Variants in TTC39C observed in about 807,000 individuals in gnomAD.
TTC39C encodes the protein tetratricopeptide repeat protein 39C.
Under a neutral mutation model 76.3 loss-of-function variants are expected in TTC39C, and 33 were observed. That is an observed-to-expected ratio of 0.43 (90% CI 0.33 to 0.58). TTC39C has a LOEUF of 0.58. TTC39C is among the 20% of genes least tolerant of loss of function. TTC39C has a pLI of 0.04. For synonymous variants in TTC39C, 254 were observed against 260.6 expected (o/e 0.97, Z 0.24); for missense variants, 595 against 701.4 (o/e 0.85, Z 1.71).
In TTC39C at chr18:24,130,335, A is replaced by G. The variant is rs1433475885; in HGVS notation, c.1541A>G (p.Asp514Gly). 1.0e-5 allele frequency: 16 copies of G among 1,586,930 alleles called. No individual in the cohort carries two copies. The highest frequency in any genetic ancestry group is 1.4e-5 in the Non-Finnish European group (16 of 1,168,284). The change falls in exon 12 of 14, where the codon GAT becomes GGT. Residue 514 changes from aspartate to glycine, a missense_variant. By Grantham distance (94) the Asp-to-Gly change is moderately conservative (BLOSUM62 -1). Coordinates refer to ENST00000317571, the MANE Select transcript of TTC39C (RefSeq NM_001135993.2). ...CAGTACTTCCAGCGAGCTGTTAAAGATGAATTGTGTCGTCAGAATAACTTA... is the reference window on the plus strand; with the variant it reads ...CAGTACTTCCAGCGAGCTGTTAAAGGTGAATTGTGTCGTCAGAATAACTTA... Reference protein sequence around the residue: ...AVQYFQRAVKDELCRQNNLYV... With the variant: ...AVQYFQRAVKGELCRQNNLYV...
chr18:24,063,513 C>CCTT (rs2084125562), intron 1 of TTC39C, among the ~76,000 whole-genome samples: 1 of 94,420 alleles, frequency 1.1e-5, no homozygotes, highest in Non-Finnish European at 2.2e-5. Context: ...ATTGTTTCTA[C>CCTT]CTTTTTTTTT....
chr18:23,998,092 C>T (rs2083283668), intron 1 of TTC39C, among the ~76,000 whole-genome samples: 1 of 152,148 alleles, frequency 6.6e-6, no homozygotes, highest in Non-Finnish European at 1.5e-5. Flanking sequence ...TAGTGCTAGG[C>T]TTTCCCCACA....
intron 4 of TTC39C, among the ~76,000 whole-genome samples, chr18:24,080,375 A>G (rs1336375463): frequency 6.6e-6 from 1 of 152,350 alleles, no homozygotes; most frequent in African/African-American, 2.4e-5. Context: ...CATGCTTACC[A>G]GTCATCATCC....
At chr18:24,089,272 C>T (rs1214887127) in intron 6 of TTC39C, among the ~76,000 whole-genome samples, 1 of 152,166 alleles carries the variant, frequency 6.6e-6, no homozygotes, top group Non-Finnish European at 1.5e-5. Context: ...GCAAGCCTGC[C>T]TCTTGTATTT....
chr18:24,113,836 G>A (rs1487962109), intron 6 of TTC39C: 15 of 620,922 alleles, frequency 2.4e-5, no homozygotes, highest in Admixed American at 4.9e-5. Context: ...TAAGTAGAGC[G>A]GACATTTGAG....
intron 1 of TTC39C, among the ~76,000 whole-genome samples, chr18:24,063,243 A>G (rs1268376364): frequency 3.3e-5 from 5 of 152,160 alleles, no homozygotes; most frequent in Non-Finnish European, 7.3e-5. Flanking sequence ...TTGCCTTACA[A>G]CAAAATCAGA....
At chr18:24,075,333 G>T (rs777768182) in intron 4 of TTC39C, among the ~76,000 whole-genome samples, 10 of 152,114 alleles carry the variant, frequency 6.6e-5, no homozygotes, top group Non-Finnish European at 1.5e-4. Context: ...GAAGGTTGAA[G>T]ATAACGAGGC....
chr18:24,045,901 A>ATATATATATGTATATGTATATG (rs1568417238), intron 1 of TTC39C, among the ~76,000 whole-genome samples: 5 of 38,634 alleles, frequency 1.3e-4, no homozygotes, highest in African/African-American at 1.5e-4. Flanking sequence ...AAATATATAT[A>ATATATATATGTATATGTATATG]TATATATATA....
At chr18:24,000,967 T>C (rs1045257813) in intron 1 of TTC39C, among the ~76,000 whole-genome samples, 8 of 151,620 alleles carry the variant, frequency 5.3e-5, no homozygotes, top group African/African-American at 1.2e-4. Flanking sequence ...CTCCCCAGAG[T>C]TGGATCAGAG....
chr18:24,102,118 CAGGGTT>C (rs1249645409), intron 6 of TTC39C, among the ~76,000 whole-genome samples: 5 of 152,188 alleles, frequency 3.3e-5, no homozygotes, highest in Non-Finnish European at 7.3e-5. Context: ...GCACTAAGCA[CAGGGTT>C]AGTTTATCAA....
chr18:24,088,861 C>G (rs2145772498), intron 6 of TTC39C, among the ~76,000 whole-genome samples: 1 of 152,262 alleles, frequency 6.6e-6, no homozygotes, highest in African/African-American at 2.4e-5. Flanking sequence ...TTTCTTTACA[C>G]TTCTATCCCC....
intron 1 of TTC39C, among the ~76,000 whole-genome samples, chr18:24,017,465 C>T (rs1233910031): frequency 6.6e-6 from 1 of 152,204 alleles, no homozygotes; most frequent in African/African-American, 2.4e-5. Flanking sequence ...AGTGTAAGCA[C>T]TCAATAAACT....
intron 1 of TTC39C, among the ~76,000 whole-genome samples, chr18:24,038,713 A>C (rs750969471): frequency 2.6e-5 from 4 of 152,174 alleles, no homozygotes; most frequent in Non-Finnish European, 5.9e-5. Flanking sequence ...GTGTTTTCTC[A>C]CAGTTCTAGA....
chr18:24,002,029 C>T (rs1354429219), intron 1 of TTC39C, among the ~76,000 whole-genome samples: 3 of 152,040 alleles, frequency 2.0e-5, no homozygotes, highest in Non-Finnish European at 2.9e-5. Context: ...GGGGGTAATT[C>T]TGTTTTGTCG....
At chr18:24,125,763 T>C in intron 10 of TTC39C, 2 of 523,930 alleles carry the variant, frequency 3.8e-6, no homozygotes, top group Non-Finnish European at 6.7e-6. Context: ...ACAGATATGC[T>C]TGCCTTGAAC....
chr18:24,037,395 G>A (rs745568188), intron 1 of TTC39C, among the ~76,000 whole-genome samples: 1 of 152,170 alleles, frequency 6.6e-6, no homozygotes, highest in Non-Finnish European at 1.5e-5. Context: ...TATCCCTAAT[G>A]TCTGGCATGT....
intron 1 of TTC39C, among the ~76,000 whole-genome samples, chr18:24,045,915 ATATATATATATATTTTTTTTTTTTTTT>A (rs1485587500): frequency 4.9e-5 from 1 of 20,278 alleles, no homozygotes; most frequent in African/African-American, 2.1e-4. Context: ...ATATATATAT[ATATATATATATATTTTTTTTTTTTTTT>A]TTTTTTTTTT....
intron 8 of TTC39C, among the ~76,000 whole-genome samples, chr18:24,120,360 A>G (rs756980834): frequency 7.9e-5 from 12 of 152,254 alleles, no homozygotes; most frequent in Non-Finnish European, 1.6e-4. Flanking sequence ...AAAACAAAAG[A>G]GTACATGAGG....
chr18:24,021,782 T>C (rs1218870766), intron 1 of TTC39C, among the ~76,000 whole-genome samples: 1 of 152,208 alleles, frequency 6.6e-6, no homozygotes, highest in Non-Finnish European at 1.5e-5. Flanking sequence ...GAAATATGCC[T>C]ACATATATCT....
Sources: gnomAD v4.1 joint callset for allele counts (sites outside exome capture counted in the v4.1 genomes callset) on GRCh38, gnomAD v4.1.1 for gene constraint, MANE v1.5 for transcripts, NCBI Gene and HGNC (gene_info 2026-07-23, HGNC 2026-07-21) for gene names.